SEMA3A: variants seen among roughly 807,000 people sequenced by gnomAD.
The protein encoded by SEMA3A is semaphorin 3A.
SEMA3A carries 29 observed loss-of-function variants against 97.9 expected under a neutral mutation model. The ratio of observed to expected loss-of-function variants is 0.30; its 90% CI spans 0.22 to 0.40. The LOEUF (loss-of-function observed/expected upper bound fraction) is 0.40. Ranked by LOEUF, SEMA3A falls within the 10% of genes least tolerant of loss-of-function variation. The pLI is 1.00. For missense variants in SEMA3A, 763 were observed against 951.3 expected (o/e 0.80, Z 2.60); for synonymous variants, 321 against 323.7 (o/e 0.99, Z 0.09).
chr7:84,226,647 A>C (rs2116346851), intron 3 of SEMA3A, among the ~76,000 whole-genome samples: 1 of 152,216 alleles, frequency 6.6e-6, no homozygotes, highest in Admixed American at 6.5e-5. Context: ...AAAATATCAT[A>C]TTCCAATTAA....
At position 83,961,194 on chromosome 7, in the gene SEMA3A, C is replaced by G; in HGVS notation, c.*177G>C. On this transcript the variant is annotated 3_prime_UTR_variant, in exon 17 of 17. Coordinates refer to ENST00000265362, the MANE Select transcript of SEMA3A (RefSeq NM_006080.3). ...TAGGTGGTGGTATTAGGAAAAAAAG[C>G]CTATTAGGAAAGTTACTCATGGATT... The G allele has an allele frequency of 1.6e-6, 1 of 611,264 alleles. No homozygotes were observed. Among genetic ancestry groups the G allele is most frequent in the South Asian group, 2.0e-5 (1 of 50,472 alleles). 37.9% of individuals were successfully genotyped at this position (611,264 alleles called of 1,614,324 possible).
intron 1 of SEMA3A, among the ~76,000 whole-genome samples, chr7:84,453,458 G>T (rs1805613266): frequency 6.6e-6 from 1 of 151,810 alleles, no homozygotes; most frequent in Non-Finnish European, 1.5e-5. Context: ...GGATGGTCTC[G>T]ATCTCCTGAC....
chr7:84,122,799 C>T (rs1002970918), intron 3 of SEMA3A, among the ~76,000 whole-genome samples: 2 of 152,096 alleles, frequency 1.3e-5, no homozygotes, highest in African/African-American at 4.8e-5. Context: ...TATTGAGGTC[C>T]TGCAATTTGA....
intron 1 of SEMA3A, among the ~76,000 whole-genome samples, chr7:84,403,525 T>C (rs1265540165): frequency 2.6e-5 from 4 of 152,164 alleles, no homozygotes; most frequent in Non-Finnish European, 5.9e-5. Context: ...AATGTCCCTG[T>C]CTGACAGCTT....
At chr7:84,482,359 A>G (rs1806469147) in intron 1 of SEMA3A, among the ~76,000 whole-genome samples, 1 of 152,212 alleles carries the variant, frequency 6.6e-6, no homozygotes, top group South Asian at 2.1e-4. Context: ...CCTAAATGGT[A>G]AATTAGTAGA....
Position 84,482,990 on chromosome 7 carries a change from T to G in SEMA3A, c.-246+9470A>C, listed in dbSNP as rs572845261. Among the ~76,000 whole-genome samples, 3 of 152,134 alleles carry G rather than the reference T, an allele frequency of 2.0e-5. No homozygotes were observed. The South Asian group carries it at 6.2e-4, about 32-fold the overall frequency. ...CCTTTGAAATGTTTACTTGTAGGTGTAGTTTTTAAAGTTTACAGAAAGGGC... is the reference window on the plus strand; with the variant it reads ...CCTTTGAAATGTTTACTTGTAGGTGGAGTTTTTAAAGTTTACAGAAAGGGC... On this transcript the variant is annotated intron_variant, in intron 1 of 3. Coordinates refer to the SEMA3A transcript ENST00000424555.
Position 84,485,460 on chromosome 7 carries a change from C to T in SEMA3A, c.-246+7000G>A, listed in dbSNP as rs191276288. ...GGGCGATCATAGTTGATTACAGCCT[C>T]GACCTCCTGGGGTCAAGCAATTTTC... is the stretch of plus-strand genomic sequence containing the variant. On this transcript the variant is annotated intron_variant, in intron 1 of 3. Transcript: ENST00000424555. 4.8e-3 allele frequency among the ~76,000 whole-genome samples: 729 copies of T among 151,806 alleles called. 4 individuals are homozygous for T. Among genetic ancestry groups the T allele is most frequent in the African/African-American group, 8.0e-3 (332 of 41,410 alleles).
intron 2 of SEMA3A, among the ~76,000 whole-genome samples, chr7:84,315,563 T>C (rs1801475964): frequency 6.6e-6 from 1 of 152,154 alleles, no homozygotes; most frequent in Admixed American, 6.6e-5. Context: ...AAATCTTTGG[T>C]GACTTAAATC....
At chr7:84,392,880 T>C (rs909649576) in intron 1 of SEMA3A, among the ~76,000 whole-genome samples, 53 of 152,040 alleles carry the variant, frequency 3.5e-4, no homozygotes, top group African/African-American at 1.1e-3. Context: ...ATTCATTTCT[T>C]AATCAGATTA....
intron 3 of SEMA3A, among the ~76,000 whole-genome samples, chr7:84,305,293 A>C (rs1203895272): frequency 6.6e-6 from 1 of 151,672 alleles, no homozygotes; most frequent in Non-Finnish European, 1.5e-5. Context: ...ATAGTCCCCA[A>C]TTTGAGATGA....
At chr7:84,455,593 T>C (rs950868229) in intron 1 of SEMA3A, among the ~76,000 whole-genome samples, 3 of 151,962 alleles carry the variant, frequency 2.0e-5, no homozygotes, top group Non-Finnish European at 2.9e-5. Context: ...AGTTCTTCAT[T>C]TGAAGACTTT....
At chr7:84,462,824 C>CAGATAGAT (rs201336956) in intron 1 of SEMA3A, among the ~76,000 whole-genome samples, 7 of 151,892 alleles carry the variant, frequency 4.6e-5, no homozygotes, top group Non-Finnish European at 7.4e-5. Flanking sequence ...GATAGACAGA[C>CAGATAGAT]AGATAGATAG....
chr7:83,962,956 A>G (rs1363252451), intron 16 of SEMA3A, among the ~76,000 whole-genome samples: 1 of 152,146 alleles, frequency 6.6e-6, no homozygotes, highest in Non-Finnish European at 1.5e-5. Context: ...AGGGGAGTCT[A>G]ATATGTATCC....
chr7:84,164,240 G>A (rs755994677), intron 1 of SEMA3A, among the ~76,000 whole-genome samples: 3 of 152,076 alleles, frequency 2.0e-5, no homozygotes, highest in African/African-American at 7.2e-5. Context: ...ACCATTTTCT[G>A]TAACTTTACT....
chr7:84,267,557 T>C (rs1800038170), intron 3 of SEMA3A, among the ~76,000 whole-genome samples: 1 of 152,146 alleles, frequency 6.6e-6, no homozygotes, highest in Non-Finnish European at 1.5e-5. Context: ...TAAATATCTG[T>C]GCACATGTAG....
chr7:84,347,036 C>T (rs1301136450), intron 2 of SEMA3A, among the ~76,000 whole-genome samples: 2 of 152,078 alleles, frequency 1.3e-5, no homozygotes, highest in Non-Finnish European at 2.9e-5. Context: ...CACTAAAATG[C>T]TAATAACACC....
intron 1 of SEMA3A, among the ~76,000 whole-genome samples, chr7:84,485,251 C>T (rs561712780): frequency 2.3e-4 from 35 of 151,816 alleles, no homozygotes; most frequent in African/African-American, 6.0e-4. Context: ...GATATTTGGC[C>T]GCAGTATTGG....
chr7:84,355,612 A>C (rs1802538526), intron 2 of SEMA3A, among the ~76,000 whole-genome samples: 1 of 151,822 alleles, frequency 6.6e-6, no homozygotes, highest in African/African-American at 2.4e-5. Flanking sequence ...AAATCCCCTA[A>C]TTTATCAACT....
chr7:84,219,086 C>T (rs961041481), intron 3 of SEMA3A, among the ~76,000 whole-genome samples: 26 of 152,164 alleles, frequency 1.7e-4, no homozygotes, highest in Middle Eastern at 3.4e-3. Context: ...GTAACAGCTC[C>T]ACATCACCAA....
Sources: allele counts gnomAD v4.1 joint callset (sites outside exome capture counted in the v4.1 genomes callset), GRCh38; gene constraint gnomAD v4.1.1; transcripts MANE v1.5; gene names NCBI Gene and HGNC (gene_info 2026-07-23, HGNC 2026-07-21).